The following RBKS variants were observed in gnomAD, a reference collection of about 807,000 sequenced individuals.
RBKS encodes the protein ribokinase.
RBKS carries 33 observed loss-of-function variants against 33.9 expected under a neutral mutation model. That is an observed-to-expected ratio of 0.97 (90% CI 0.74 to 1.30). The LOEUF is 1.30. Among genes scored for constraint, RBKS ranks in the 50% most tolerant of loss-of-function variants. The pLI is 0.00. For synonymous variants in RBKS, 125 were observed against 143.0 expected (o/e 0.87, Z 0.90); for missense variants, 361 against 392.6 (o/e 0.92, Z 0.68).
chr2:27,868,540 A>C (rs910842760), intron 1 of RBKS, among the ~76,000 whole-genome samples: 4 of 152,242 alleles, frequency 2.6e-5, no homozygotes, highest in Non-Finnish European at 4.4e-5. Context: ...TATTCAATAC[A>C]TAAAACACAC....
At chr2:27,831,488 A>G (rs1678412770) in intron 6 of RBKS, among the ~76,000 whole-genome samples, 1 of 152,180 alleles carries the variant, frequency 6.6e-6, no homozygotes, top group African/African-American at 2.4e-5. Flanking sequence ...TCTTCCTAGC[A>G]TGGTGGTTGC....
intron 7 of RBKS, among the ~76,000 whole-genome samples, 166 bp from the exon 8 acceptor site, chr2:27,781,954 C>A (rs1677295759): frequency 6.6e-6 from 1 of 152,016 alleles, no homozygotes; most frequent in Non-Finnish European, 1.5e-5. Context: ...CTGTTAACAC[C>A]TTACTGTGGT....
intron 7 of RBKS, among the ~76,000 whole-genome samples, chr2:27,800,175 C>T (rs1677747446): frequency 6.6e-6 from 1 of 151,830 alleles, no homozygotes; most frequent in South Asian, 2.1e-4. Flanking sequence ...ACTTCAGCCT[C>T]CTGAGTAGCT....
rs182768381 is a variant in RBKS, at chr2:27,855,102, A to C, written c.222+3337T>G. Among the ~76,000 whole-genome samples the C allele has an allele frequency of 5.6e-3, 854 of 151,832 alleles. 7 individuals are homozygous for C. Among genetic ancestry groups the C allele is most frequent in the African/African-American group, 0.02 (810 of 41,392 alleles). On this transcript the variant is annotated intron_variant, in intron 2 of 7. Coordinates refer to ENST00000302188, the MANE Select transcript of RBKS (RefSeq NM_022128.3). ...TTTCTTATCCTTGGCTCACTCTTAAATTCTTGCCTGGGCAAAGCCAAGAAC... is the reference window on the plus strand; with the variant it reads ...TTTCTTATCCTTGGCTCACTCTTAACTTCTTGCCTGGGCAAAGCCAAGAAC...
intron 5 of RBKS, among the ~76,000 whole-genome samples, chr2:27,842,837 A>G (rs541514676): frequency 6.6e-6 from 1 of 151,950 alleles, no homozygotes; most frequent in South Asian, 2.1e-4. Context: ...TGCCAGCTAC[A>G]TTGAAGATTT....
At position 27,860,972 on chromosome 2, in the gene RBKS, TCTC is replaced by T. The variant is rs200002820; in HGVS notation, c.90-2404_90-2402del. Among the ~76,000 whole-genome samples, 585 of 139,018 alleles carry T rather than the reference TCTC, an allele frequency of 4.2e-3. 4 individuals are homozygous for T. The highest frequency in any genetic ancestry group is 0.015 in the African/African-American group (557 of 36,626). 91.2% of individuals were successfully genotyped at this position (139,018 alleles called of 152,430 possible). A position where few individuals can be genotyped will look rare whatever the true frequency, so the allele number is the denominator to read the frequency against. Reference sequence around the variant, plus strand: ...TTGTCTCTGTCTCTGTCTCTCTTTCTCTCTTTTTTTTTTTAAACAGAGTCTCTC... The same window carrying T: ...TTGTCTCTGTCTCTGTCTCTCTTTCTTTTTTTTTTTTAAACAGAGTCTCTC... On this transcript the variant is annotated intron_variant, in intron 1 of 7. Coordinates refer to ENST00000302188, the MANE Select transcript of RBKS (RefSeq NM_022128.3).
At chr2:27,797,660 G>T (rs1677688387) in intron 7 of RBKS, among the ~76,000 whole-genome samples, 1 of 152,170 alleles carries the variant, frequency 6.6e-6, no homozygotes, top group African/African-American at 2.4e-5. Flanking sequence ...ACTGCATGGG[G>T]GGTCCATTTT....
intron 3 of RBKS, 122 bp from the exon 4 acceptor site, chr2:27,847,226 A>AT (rs955845784): frequency 1.8e-5 from 10 of 564,718 alleles, no homozygotes; most frequent in Admixed American, 8.6e-5. Flanking sequence ...ATCTGGAATG[A>AT]TAAAAAAAAA....
At chr2:27,888,133 C>CTT (rs796783582) in intron 1 of RBKS, among the ~76,000 whole-genome samples, 1 of 145,702 alleles carries the variant, frequency 6.9e-6, no homozygotes, top group African/African-American at 2.5e-5. Context: ...CTTTTCTTTT[C>CTT]TTTTTTTTTT....
chr2:27,811,214 G>T (rs1677979795), intron 7 of RBKS, among the ~76,000 whole-genome samples: 1 of 152,144 alleles, frequency 6.6e-6, no homozygotes, highest in African/African-American at 2.4e-5. Context: ...CTCAGGCTAG[G>T]TGGGCCCCCT....
intron 2 of RBKS, among the ~76,000 whole-genome samples, chr2:27,855,376 T>C (rs1663836807): frequency 6.6e-6 from 1 of 152,248 alleles, no homozygotes; most frequent in African/African-American, 2.4e-5. Flanking sequence ...TTTGGGTTCA[T>C]ACCTGCTCAT....
chr2:27,811,641 T>G (rs1677986818), intron 7 of RBKS, among the ~76,000 whole-genome samples: 1 of 152,164 alleles, frequency 6.6e-6, no homozygotes, highest in Non-Finnish European at 1.5e-5. Context: ...AAAACTCTCC[T>G]TCTACAAGAT....
Position 27,890,060 on chromosome 2 carries a change from C to G in RBKS, c.89+197G>C. 1.8e-6 allele frequency: 1 copy of G among 554,404 alleles called. No individual in the cohort carries two copies. The highest frequency in any genetic ancestry group is 4.3e-4 in the Middle Eastern group (1 of 2,346). The allele number at this position is 554,404 out of a possible 1,614,324, so 34.3% of individuals were successfully genotyped here. ...AACCCTGGCCTATTACGTCCCCTCC[C>G]CTGAGATTTACCTTTATATACTCAA... is the stretch of plus-strand genomic sequence containing the variant. On this transcript the variant is annotated intron_variant, in intron 1 of 7. Coordinates refer to ENST00000302188, the MANE Select transcript of RBKS (RefSeq NM_022128.3). The surrounding 1 kb of genome is among the most constrained non-coding windows in gnomAD (Gnocchi z 4.8).
At chr2:27,865,318 TCAAACAAA>T (rs111615920) in intron 1 of RBKS, among the ~76,000 whole-genome samples, 58 of 152,066 alleles carry the variant, frequency 3.8e-4, no homozygotes, top group South Asian at 2.7e-3. Flanking sequence ...AGACTCCTTC[TCAAACAAA>T]CAAACAAACA....
chr2:27,888,799 T>A (rs2148237814), intron 1 of RBKS, among the ~76,000 whole-genome samples: 1 of 150,986 alleles, frequency 6.6e-6, no homozygotes, highest in Admixed American at 6.6e-5. Context: ...TAAAAAAAAA[T>A]GTGACCTTGA....
intron 4 of RBKS, among the ~76,000 whole-genome samples, chr2:27,845,582 T>C (rs1663606253): frequency 6.6e-6 from 1 of 152,214 alleles, no homozygotes; most frequent in South Asian, 2.1e-4. Context: ...AGGAATGAGC[T>C]GCTGTTGGCA....
chr2:27,838,239 T>C (rs887435539), intron 5 of RBKS, among the ~76,000 whole-genome samples: 1 of 151,960 alleles, frequency 6.6e-6, no homozygotes, highest in African/African-American at 2.4e-5. Context: ...TCTGCACATG[T>C]ACCCCCGTGT....
intron 5 of RBKS, among the ~76,000 whole-genome samples, chr2:27,839,989 A>G (rs1663439211): frequency 6.6e-6 from 1 of 151,178 alleles, no homozygotes; most frequent in South Asian, 2.1e-4. Context: ...TTCCCAAACC[A>G]ATGGTCTCCT....
chr2:27,867,990 TA>T (rs1314335176), intron 1 of RBKS, among the ~76,000 whole-genome samples: 2 of 152,190 alleles, frequency 1.3e-5, no homozygotes, highest in Non-Finnish European at 2.9e-5. Flanking sequence ...TGTAAAATAA[TA>T]AAAATGACAG....
Sources: allele counts gnomAD v4.1 joint callset (sites outside exome capture counted in the v4.1 genomes callset), GRCh38; gene constraint gnomAD v4.1.1; non-coding constraint Gnocchi (gnomAD v3.1); transcripts MANE v1.5; gene names NCBI Gene and HGNC (gene_info 2026-07-23, HGNC 2026-07-21).